Variants in RARB observed in about 807,000 individuals in gnomAD.
RARB encodes the protein retinoic acid receptor beta, also known as HBV-activated protein.
In RARB, 17 loss-of-function variants were observed where a neutral mutation model predicts 51.9. The ratio of observed to expected loss-of-function variants is 0.33; its 90% CI spans 0.22 to 0.49. The LOEUF is 0.49. Among genes scored for constraint, RARB ranks in the 20% least tolerant of loss-of-function variants. The pLI is 0.99. For missense variants in RARB, 369 were observed against 550.8 expected, an observed-to-expected ratio of 0.67 and a Z score of 3.30; for synonymous variants, 215 against 195.4, an observed-to-expected ratio of 1.10 and a Z score of -0.84.
chr3:24,967,853 G>C (rs1293984070), intron 2 of RARB, among the ~76,000 whole-genome samples: 2 of 152,162 alleles, frequency 1.3e-5, no homozygotes, highest in Non-Finnish European at 2.9e-5. Context: ...ATAAATTGAT[G>C]TGAACATGTG....
At chr3:25,404,297 C>G (rs1256854075) in intron 5 of RARB, among the ~76,000 whole-genome samples, 1 of 152,140 alleles carries the variant, frequency 6.6e-6, no homozygotes, top group Non-Finnish European at 1.5e-5. Flanking sequence ...CTCTGTTTAA[C>G]ATTCCGACAG....
At chr3:24,939,407 T>C (rs538819797) in intron 2 of RARB, among the ~76,000 whole-genome samples, 2 of 152,356 alleles carry the variant, frequency 1.3e-5, no homozygotes, top group Non-Finnish European at 2.9e-5. Context: ...TTACATATTT[T>C]ATAGAAGTGA....
chr3:24,848,395 GTCTC>G lies in RARB; in HGVS notation c.-458-10275_-458-10272del, dbSNP rs200912568. 6.0e-3 allele frequency among the ~76,000 whole-genome samples: 907 copies of G among 152,212 alleles called. 12 individuals are homozygous for G. Among genetic ancestry groups the G allele is most frequent in the African/African-American group, 0.02 (848 of 41,526 alleles). On this transcript the variant is annotated intron_variant, in intron 1 of 11. Coordinates refer to the RARB transcript ENST00000383772. ...TTTAAACACATCAAATCCAAATACT[GTCTC>G]TCTTTCTTTTTAACTGTTTTTTTAA...
At chr3:25,312,288 A>G (rs2125434318) in intron 5 of RARB, among the ~76,000 whole-genome samples, 1 of 152,340 alleles carries the variant, frequency 6.6e-6, no homozygotes, top group East Asian at 1.9e-4. Flanking sequence ...ATAGCTTTCA[A>G]AACACATTCA....
intron 5 of RARB, among the ~76,000 whole-genome samples, chr3:25,279,536 T>C (rs1224595220): frequency 6.6e-6 from 1 of 151,758 alleles, no homozygotes; most frequent in East Asian, 1.9e-4. Flanking sequence ...CAAAAATAGA[T>C]TCCAAAGCAA....
At chr3:25,112,855 A>G (rs376420263) in intron 3 of RARB, among the ~76,000 whole-genome samples, 4 of 152,212 alleles carry the variant, frequency 2.6e-5, no homozygotes, top group African/African-American at 9.6e-5. Context: ...TTTTGAGGGC[A>G]GAGTCATGTC....
At chr3:24,893,425 T>A (rs964136328) in intron 2 of RARB, among the ~76,000 whole-genome samples, 2 of 152,238 alleles carry the variant, frequency 1.3e-5, no homozygotes, top group Non-Finnish European at 2.9e-5. Flanking sequence ...ACCTACTCTG[T>A]GCATCGTGCT....
At chr3:25,202,604 A>G (rs1300333244) in intron 5 of RARB, among the ~76,000 whole-genome samples, 1 of 152,114 alleles carries the variant, frequency 6.6e-6, no homozygotes, top group Non-Finnish European at 1.5e-5. Context: ...ACACGGCTTT[A>G]AATGTGTCCC....
At chr3:25,122,319 C>T (rs1166771271) in intron 3 of RARB, among the ~76,000 whole-genome samples, 1 of 151,842 alleles carries the variant, frequency 6.6e-6, no homozygotes, top group Non-Finnish European at 1.5e-5. Flanking sequence ...ATATTTCTCT[C>T]AATTTCTGTT....
chr3:25,186,685 T>C (rs1039993637), intron 5 of RARB, among the ~76,000 whole-genome samples: 4 of 152,086 alleles, frequency 2.6e-5, no homozygotes, highest in African/African-American at 9.7e-5. Context: ...AAAAACTCTT[T>C]AAGTGCACAT....
chr3:25,479,536 T>C (rs1696126396), intron 2 of RARB, among the ~76,000 whole-genome samples: 1 of 152,266 alleles, frequency 6.6e-6, no homozygotes, highest in Non-Finnish European at 1.5e-5. Flanking sequence ...TTCGAATCCT[T>C]ATAAGTACAT....
intron 5 of RARB, among the ~76,000 whole-genome samples, chr3:25,231,334 C>G (rs1427090682): frequency 1.3e-5 from 2 of 152,132 alleles, no homozygotes; most frequent in Non-Finnish European, 2.9e-5. Flanking sequence ...TTGAAGTTAG[C>G]TTGTATCACA....
intron 2 of RARB, among the ~76,000 whole-genome samples, chr3:24,993,822 A>G (rs949011437): frequency 6.6e-6 from 1 of 152,092 alleles, no homozygotes; most frequent in Non-Finnish European, 1.5e-5. Flanking sequence ...TCATTTTGCC[A>G]CAAAAGACAG....
chr3:24,936,193 C>T (rs889845495), intron 2 of RARB, among the ~76,000 whole-genome samples: 3 of 152,048 alleles, frequency 2.0e-5, no homozygotes, highest in Admixed American at 6.6e-5. Flanking sequence ...TGGGTGCAAG[C>T]GCTTCGTAGA....
chr3:25,291,845 A>G (rs1447949504), intron 5 of RARB, among the ~76,000 whole-genome samples: 2 of 152,076 alleles, frequency 1.3e-5, no homozygotes, highest in South Asian at 2.1e-4. Flanking sequence ...TCTCAGAACA[A>G]TGTTTACATT....
intron 2 of RARB, among the ~76,000 whole-genome samples, chr3:25,497,727 C>T (rs753905651): frequency 6.6e-6 from 1 of 152,192 alleles, no homozygotes; most frequent in Non-Finnish European, 1.5e-5. Flanking sequence ...TCCACTCTCT[C>T]CTCTCAGGTT....
chr3:24,892,112 CA>C (rs1220333331), intron 2 of RARB, among the ~76,000 whole-genome samples: 1 of 151,582 alleles, frequency 6.6e-6, no homozygotes, highest in African/African-American at 2.4e-5. Context: ...GGGAGTGTTG[CA>C]GGGCCAAAAG....
intron 5 of RARB, among the ~76,000 whole-genome samples, chr3:25,592,469 GGT>G (rs147953099): frequency 1.3e-3 from 199 of 152,304 alleles, no homozygotes; most frequent in African/African-American, 4.6e-3. Context: ...GCAGAAATGT[GGT>G]TCTGGGTGGG....
At chr3:25,390,281 C>T (rs1463773102) in intron 5 of RARB, among the ~76,000 whole-genome samples, 1 of 152,170 alleles carries the variant, frequency 6.6e-6, no homozygotes, top group Admixed American at 6.5e-5. Flanking sequence ...ATTGCTTGAC[C>T]CTGGGAGTTT....
Sources: allele counts gnomAD v4.1 joint callset (sites outside exome capture counted in the v4.1 genomes callset), GRCh38; gene constraint gnomAD v4.1.1; transcripts MANE v1.5; gene names NCBI Gene and HGNC (gene_info 2026-07-23, HGNC 2026-07-21).